Variants in DUSP19 observed in about 807,000 individuals in gnomAD.
The protein encoded by DUSP19 is dual specificity phosphatase 19, also known as dual specificity protein phosphatase 19.
DUSP19 carries 14 observed loss-of-function variants against 16.6 expected under a neutral mutation model. The observed-to-expected ratio is 0.84, with a 90% CI of 0.56 to 1.32. The LOEUF is 1.32. DUSP19 is among the 40% of genes most tolerant of loss of function. The pLI is 0.00. For missense variants in DUSP19, 258 were observed against 255.9 expected (o/e 1.01, Z -0.06); for synonymous variants, 81 against 90.5 (o/e 0.90, Z 0.59).
At chr2:183,094,760 T>C (rs550202319) in intron 3 of DUSP19, among the ~76,000 whole-genome samples, 2 of 152,364 alleles carry the variant, frequency 1.3e-5, no homozygotes, top group African/African-American at 4.8e-5. Context: ...TAAGTAACTT[T>C]CTGCCAGGAT....
rs899891615 is a variant in DUSP19, at chr2:183,098,417, A to G, written c.*2759A>G. 2 of 152,238 alleles carry G rather than the reference A, an allele frequency of 1.3e-5. No individual in the cohort carries two copies. Among genetic ancestry groups the G allele is most frequent in the Admixed American group, 1.3e-4 (2 of 15,278 alleles). The allele number at this position is 152,238 out of a possible 1,614,324, so 9.4% of individuals were successfully genotyped here. On this transcript the variant is annotated 3_prime_UTR_variant, in exon 4 of 4. Transcript: ENST00000354221. ...AGCATAAGGTCATATATACTATACA[A>G]TATGTTTATTGCACTTCCCATGGGG...
rs1303441618 is a variant in DUSP19, at chr2:183,099,930, G to A, written c.*4272G>A. 6.6e-6 allele frequency: 1 copy of A among 151,692 alleles called. No individual in the cohort carries two copies. Among genetic ancestry groups the A allele is most frequent in the Admixed American group, 6.6e-5 (1 of 15,210 alleles). The allele number at this position is 151,692 out of a possible 1,614,324, so 9.4% of individuals were successfully genotyped here. A position where few individuals can be genotyped will look rare whatever the true frequency, so the allele number is the denominator to read the frequency against. On this transcript the variant is annotated 3_prime_UTR_variant, in exon 4 of 4. Transcript: ENST00000354221. ...GAGAATTGCTTGACCCTGGGAGGTG[G>A]AGGTGGCAGTGAGCCGAGATAGCAC...
intron 3 of DUSP19, among the ~76,000 whole-genome samples, chr2:183,095,185 ACAT>A (rs1575098569): frequency 6.6e-6 from 1 of 152,216 alleles, no homozygotes; most frequent in Non-Finnish European, 1.5e-5. Context: ...AGAATTCCAA[ACAT>A]CATTAAAGCA....
At position 183,098,391 on chromosome 2, in the gene DUSP19, A is replaced by G. The variant is rs1699831396; in HGVS notation, c.*2733A>G. Reference sequence around the variant, plus strand: ...TTCAGTCTTTTAGGGGCACCAAGTAAAGCATAAGGTCATATATACTATACA... The same window carrying G: ...TTCAGTCTTTTAGGGGCACCAAGTAGAGCATAAGGTCATATATACTATACA... On this transcript the variant is annotated 3_prime_UTR_variant, in exon 4 of 4. Coordinates refer to ENST00000354221, the MANE Select transcript of DUSP19 (RefSeq NM_080876.4). The G allele has an allele frequency of 6.6e-6, 1 of 152,198 alleles. No homozygotes were observed. The highest frequency in any genetic ancestry group is 2.4e-5 in the African/African-American group (1 of 41,448). The allele number at this position is 152,198 out of a possible 1,614,324, so 9.4% of individuals were successfully genotyped here.
chr2:183,082,826 G>GTTCC (rs200714461), intron 1 of DUSP19, among the ~76,000 whole-genome samples: 4,290 of 135,454 alleles, frequency 0.032, 94 homozygotes, highest in Non-Finnish European at 0.047. Context: ...TCGTTCGTTC[G>GTTCC]TTCCTTCCTT....
chr2:183,079,263 C>G, intron 1 of DUSP19, 104 bp downstream of exon 1: 1 of 1,145,072 alleles, frequency 8.7e-7, no homozygotes, highest in Non-Finnish European at 1.2e-6. Flanking sequence ...GCTATCCTGC[C>G]GAAAAGCTGA....
chr2:183,087,422 G>A (rs946129756), intron 3 of DUSP19, among the ~76,000 whole-genome samples: 1 of 152,162 alleles, frequency 6.6e-6, no homozygotes, highest in Non-Finnish European at 1.5e-5. Context: ...CTCTAGACTT[G>A]TTAGTGTATT....
intron 1 of DUSP19, among the ~76,000 whole-genome samples, chr2:183,081,260 A>AT (rs1404387194): frequency 1.3e-5 from 2 of 152,226 alleles, no homozygotes; most frequent in East Asian, 3.9e-4. Context: ...TTATTTATTT[A>AT]TTTTGAGATA....
In DUSP19 at chr2:183,098,139, C is replaced by T. The variant is rs2105509723; in HGVS notation, c.*2481C>T. On this transcript the variant is annotated 3_prime_UTR_variant, in exon 4 of 4. Transcript: ENST00000354221. Reference sequence around the variant, plus strand: ...CGAACTCCTGACCGCAAGTGATCCACACGCCTTGGTCTCCCAAAGTGCTGG... The same window carrying T: ...CGAACTCCTGACCGCAAGTGATCCATACGCCTTGGTCTCCCAAAGTGCTGG... 6.6e-6 allele frequency: 1 copy of T among 152,392 alleles called. No homozygotes were observed. Among genetic ancestry groups the T allele is most frequent in the South Asian group, 2.1e-4 (1 of 4,830 alleles). 9.4% of individuals were successfully genotyped at this position (152,392 alleles called of 1,614,324 possible).
intron 1 of DUSP19, 132 bp downstream of exon 1, chr2:183,079,291 A>G (rs565370303): frequency 3.3e-6 from 3 of 902,256 alleles, no homozygotes; most frequent in South Asian, 3.6e-5. Flanking sequence ...CCTTTTTTGG[A>G]TATGGAACTT....
rs1173783519 is a variant in DUSP19, at chr2:183,083,566, C to T, written c.273+12C>T. 1 of 1,608,348 alleles carries T rather than the reference C, an allele frequency of 6.2e-7. No homozygotes were observed. Among genetic ancestry groups the T allele is most frequent in the Non-Finnish European group, 8.5e-7 (1 of 1,177,006 alleles). ...TGAAAAAGAATAAGGTAAAAAAATGCTTTAAGTCTGGCACCATATACACAG... is the reference window on the plus strand; with the variant it reads ...TGAAAAAGAATAAGGTAAAAAAATGTTTTAAGTCTGGCACCATATACACAG... On this transcript the variant is annotated intron_variant, in intron 2 of 3. Transcript: ENST00000354221.
At chr2:183,081,561 C>A (rs2105495819) in intron 1 of DUSP19, among the ~76,000 whole-genome samples, 1 of 152,232 alleles carries the variant, frequency 6.6e-6, no homozygotes. Context: ...CACCAAATTT[C>A]AATTATTTGA....
intron 1 of DUSP19, 38 bp downstream of exon 1, chr2:183,079,197 T>A: frequency 6.4e-7 from 1 of 1,564,264 alleles, no homozygotes; most frequent in Non-Finnish European, 8.7e-7. Flanking sequence ...ATTGAGTCCT[T>A]TTAGCCAGAT....
At position 183,078,990 on chromosome 2, in the gene DUSP19, A is replaced by G. The variant is rs201873468; in HGVS notation, c.57A>G (p.Gln19=). 64 of 1,614,206 alleles carry G rather than the reference A, an allele frequency of 4.0e-5. No homozygotes were observed. In the South Asian group the frequency reaches 5.7e-4, roughly 14 times the overall value. Residue 19 remains glutamine, a synonymous_variant, in exon 1 of 4, where the codon CAA becomes CAG. Transcript: ENST00000354221. ...TCTCCCGGAATAATCTCAGGAAGCA[A>G]TGCACCAGGGTGACAACGCTAACTG... ...KAFSRNNLRK[Q]CTRVTTLTGK... is the part of the protein sequence containing the mutation.
At chr2:183,092,859 A>G (rs575047472) in intron 3 of DUSP19, among the ~76,000 whole-genome samples, 10 of 151,960 alleles carry the variant, frequency 6.6e-5, no homozygotes, top group African/African-American at 2.4e-4. Flanking sequence ...GCCCAGCACC[A>G]CGCCCAGCTA....
At chr2:183,080,976 T>C (rs952364017) in intron 1 of DUSP19, among the ~76,000 whole-genome samples, 2 of 152,226 alleles carry the variant, frequency 1.3e-5, no homozygotes, top group Admixed American at 1.3e-4. Context: ...TGGGGTTGTT[T>C]GCAGGTTGGT....
Position 183,079,067 on chromosome 2 carries a change from A to G in DUSP19, c.134A>G (p.Glu45Gly). The G allele has an allele frequency of 6.2e-7, 1 of 1,614,172 alleles. No homozygotes were observed. Among genetic ancestry groups the G allele is most frequent in the Non-Finnish European group, 8.5e-7 (1 of 1,180,036 alleles). Residue 45 changes from glutamate to glycine, a missense_variant, in exon 1 of 4, where the codon GAA becomes GGA. Glu to Gly is a moderately conservative substitution (Grantham distance 98). Coordinates refer to ENST00000354221, the MANE Select transcript of DUSP19 (RefSeq NM_080876.4). Reference sequence around the variant, plus strand: ...GATGCCAGAATTCATGTTGTGGAAGAAGTAGAGCCGAGCAGTGGGGGTGGT... The same window carrying G: ...GATGCCAGAATTCATGTTGTGGAAGGAGTAGAGCCGAGCAGTGGGGGTGGT... ...WKDARIHVVE[E>G]VEPSSGGGCG...
At chr2:183,089,035 A>AT (rs1002965381) in intron 3 of DUSP19, among the ~76,000 whole-genome samples, 4 of 152,220 alleles carry the variant, frequency 2.6e-5, no homozygotes, top group Non-Finnish European at 5.9e-5. Flanking sequence ...TTTTAAATAA[A>AT]TTTAAAAAAT....
chr2:183,094,385 G>A (rs375950344), intron 3 of DUSP19, among the ~76,000 whole-genome samples: 32 of 152,228 alleles, frequency 2.1e-4, no homozygotes, highest in Non-Finnish European at 4.0e-4. Context: ...TCCTGCTCTC[G>A]TCTTTTTTTG....
Sources: gnomAD v4.1 joint callset for allele counts (sites outside exome capture counted in the v4.1 genomes callset) on GRCh38, gnomAD v4.1.1 for gene constraint, MANE v1.5 for transcripts, NCBI Gene and HGNC (gene_info 2026-07-23, HGNC 2026-07-21) for gene names.